Variants in NBPF12 observed in about 807,000 individuals in gnomAD.
The protein encoded by NBPF12 is NBPF member 12, also known as NBPF family member NBPF12.
Under a neutral mutation model 146.4 loss-of-function variants are expected in NBPF12, and 115 were observed. The observed-to-expected ratio is 0.79, with a 90% confidence interval of 0.68 to 0.92. The LOEUF is 0.92. NBPF12 is among the 40% of genes least tolerant of loss of function. NBPF12 has a pLI of 0.00. For synonymous variants in NBPF12, 385 were observed against 508.9 expected (o/e 0.76, Z 3.28); for missense variants, 1,205 against 1,326.8 (o/e 0.91, Z 1.43).
chr1:146,981,338 G>T (rs1657375746), intron 19 of NBPF12, among the ~76,000 whole-genome samples: 1 of 132,466 alleles, frequency 7.5e-6, no homozygotes, highest in African/African-American at 2.9e-5. Flanking sequence ...AAATAATAAA[G>T]GAAAACTATA....
chr1:146,960,275 A>G (rs1267882732), exon 4 of NBPF12: 9 of 1,385,292 alleles, frequency 6.5e-6, no homozygotes, highest in Non-Finnish European at 9.1e-6. Flanking sequence ...GATGTTTTCT[A>G]ACTCAACTGG....
intron 18 of NBPF12, among the ~76,000 whole-genome samples, chr1:146,978,637 G>A (rs1481101818): frequency 4.0e-5 from 6 of 151,598 alleles, no homozygotes; most frequent in South Asian, 2.1e-4. Flanking sequence ...ATATAAGTCC[G>A]TATTGCAGCA....
chr1:146,996,096 C>G (rs1410383638), downstream of NBPF12: 16 of 130,072 alleles, frequency 1.2e-4, no homozygotes, highest in African/African-American at 4.0e-4. Context: ...GCCTATCACT[C>G]TGGACTTTTG....
chr1:146,959,988 G>T, exon 3 of NBPF12: 1 of 342,824 alleles, frequency 2.9e-6, no homozygotes, highest in Non-Finnish European at 4.9e-6. Context: ...TGTGGGGAGT[G>T]ATCACATTTT....
At chr1:146,964,540 A>G in intron 7 of NBPF12, 111 bp downstream of exon 10, 2 of 1,552,578 alleles carry the variant, frequency 1.3e-6, no homozygotes, top group African/African-American at 1.4e-5. Flanking sequence ...TCCCTTGGCC[A>G]CAGTATGTGA....
intron 1 of NBPF12, among the ~76,000 whole-genome samples, chr1:146,940,447 T>C (rs1362527570): frequency 6.6e-6 from 1 of 151,336 alleles, no homozygotes; most frequent in Non-Finnish European, 1.5e-5. Flanking sequence ...CTACTAAAAA[T>C]ACAAAAATTA....
chr1:146,962,421 A>G (rs1223017799), intron 5 of NBPF12, among the ~76,000 whole-genome samples, 158 bp downstream of exon 8: 6 of 119,800 alleles, frequency 5.0e-5, no homozygotes, highest in African/African-American at 1.5e-4. Flanking sequence ...GAGAACAAGG[A>G]TAATAATAAG....
At chr1:146,965,075 A>G (rs1553885434) in exon 8 of NBPF12, 20 of 1,602,384 alleles carry the variant, frequency 1.2e-5, no homozygotes, top group South Asian at 1.2e-4. Context: ...TCTCATGATG[A>G]ATGTCAGGAT....
At chr1:146,939,898 G>A (rs1654717948) in intron 1 of NBPF12, among the ~76,000 whole-genome samples, 1 of 151,476 alleles carries the variant, frequency 6.6e-6, no homozygotes, top group African/African-American at 2.4e-5. Context: ...CAGGAGACTC[G>A]CTTGAACCTG....
chr1:146,941,744 ACT>A (rs1189647074), intron 1 of NBPF12, among the ~76,000 whole-genome samples: 2 of 130,536 alleles, frequency 1.5e-5, no homozygotes, highest in East Asian at 2.3e-4. Context: ...ACAGAGCAAG[ACT>A]CTGTCTTGTA....
At chr1:146,962,950 T>G in intron 5 of NBPF12, 145 bp from the exon 9 acceptor site, 1 of 645,340 alleles carries the variant, frequency 1.5e-6, no homozygotes. Context: ...TTCTTTCTCT[T>G]GGCCACAGAC....
At chr1:146,969,946 T>C (rs1418044869) in intron 11 of NBPF12, among the ~76,000 whole-genome samples, 1 of 150,882 alleles carries the variant, frequency 6.6e-6, no homozygotes, top group Non-Finnish European at 1.5e-5. Context: ...TTTTTGGCAA[T>C]GTTCTTAGTA....
chr1:146,965,760 C>A (rs1380309667), intron 8 of NBPF12, among the ~76,000 whole-genome samples: 10 of 128,900 alleles, frequency 7.8e-5, no homozygotes, highest in Non-Finnish European at 1.6e-4. Flanking sequence ...GCACTGCACT[C>A]CAGCCTGGGA....
intron 31 of NBPF12, among the ~76,000 whole-genome samples, chr1:146,992,508 G>T (rs1300183408): frequency 8.1e-6 from 1 of 123,074 alleles, no homozygotes; most frequent in Non-Finnish European, 1.8e-5. Flanking sequence ...GTGTGTGTGT[G>T]TGTGTCTATC....
intron 11 of NBPF12, 113 bp downstream of exon 14, chr1:146,969,709 G>A (rs1553886110): frequency 0.1 from 152,830 of 1,532,518 alleles, 9,353 homozygotes; most frequent in East Asian, 0.21. Flanking sequence ...TACTACACAT[G>A]TGTGGCCATG....
chr1:146,964,678 C>A (rs1447011379), intron 7 of NBPF12, among the ~76,000 whole-genome samples: 5 of 151,964 alleles, frequency 3.3e-5, no homozygotes, highest in Non-Finnish European at 7.3e-5. Flanking sequence ...GTCCAGTGCA[C>A]TGAACACCAG....
chr1:146,960,663 T>C (rs2101843057), intron 4 of NBPF12, among the ~76,000 whole-genome samples: 1 of 152,086 alleles, frequency 6.6e-6, no homozygotes, highest in South Asian at 2.1e-4. Context: ...ACATCTAGTC[T>C]GTTGTTCTAA....
exon 14 of NBPF12, chr1:146,972,915 G>A (rs1553886819): frequency 4.0e-6 from 4 of 1,010,360 alleles, no homozygotes; most frequent in East Asian, 2.4e-5. Flanking sequence ...GAAATGTTTT[G>A]TAACTCAAGT....
chr1:146,980,342 T>C (rs1312750312), intron 19 of NBPF12, among the ~76,000 whole-genome samples: 1 of 152,130 alleles, frequency 6.6e-6, no homozygotes, highest in Non-Finnish European at 1.5e-5. Context: ...TATGTGTGAA[T>C]TTGATCCTGT....
Sources: allele counts gnomAD v4.1 joint callset (sites outside exome capture counted in the v4.1 genomes callset), GRCh38; gene constraint gnomAD v4.1.1; transcripts MANE v1.5; gene names NCBI Gene and HGNC (gene_info 2026-07-23, HGNC 2026-07-21).